The following MYOF variants were observed in gnomAD, a reference collection of about 807,000 sequenced individuals.
MYOF encodes the protein myoferlin.
Under a neutral mutation model 284.2 loss-of-function variants are expected in MYOF, and 244 were observed. The ratio of observed to expected loss-of-function variants is 0.86; its 90% CI spans 0.77 to 0.95. The LOEUF is 0.95. MYOF is among the 40% of genes least tolerant of loss of function. The pLI, the probability that MYOF is intolerant of heterozygous loss-of-function variation, is 0.00. For synonymous variants in MYOF, 904 were observed against 919.7 expected (o/e 0.98, Z 0.31); for missense variants, 2,496 against 2,560.6 (o/e 0.97, Z 0.54).
intron 40 of MYOF, among the ~76,000 whole-genome samples, chr10:93,336,756 AAGG>A (rs910206149): frequency 3.0e-4 from 46 of 151,712 alleles, no homozygotes; most frequent in Middle Eastern, 6.8e-3. Context: ...GAAGAGGATG[AAGG>A]AGGAGAAGGA....
At chr10:93,439,751 T>C (rs907215117) in intron 3 of MYOF, among the ~76,000 whole-genome samples, 3 of 152,214 alleles carry the variant, frequency 2.0e-5, no homozygotes, top group African/African-American at 4.8e-5. Flanking sequence ...TCAGACACTA[T>C]GCTAGAAAAA....
chr10:93,336,895 GA>G (rs369426580), intron 40 of MYOF, among the ~76,000 whole-genome samples: 1 of 148,534 alleles, frequency 6.7e-6, no homozygotes, highest in East Asian at 2.0e-4. Flanking sequence ...AGAAAGGAAG[GA>G]AAGAGAAGAA....
In MYOF at chr10:93,317,945, C is replaced by T. The variant is rs367615220; in HGVS notation, c.5599-1132G>A. Among the ~76,000 whole-genome samples, 8 of 152,154 alleles carry T rather than the reference C, an allele frequency of 5.3e-5. No individual in the cohort carries two copies. In the East Asian group the frequency reaches 1.5e-3, roughly 29 times the overall value. ...GCTCAGAAAGCCTGGCTCTGAGGGG[C>T]TCGGCAGCCCACTCTGCTGTTATCT... On this transcript the variant is annotated intron_variant, in intron 49 of 53. Coordinates refer to ENST00000359263, the MANE Select transcript of MYOF (RefSeq NM_013451.4).
chr10:93,347,506 T>C lies in MYOF; in HGVS notation c.4249+111A>G, dbSNP rs548084426. 8.4e-5 allele frequency: 83 copies of C among 992,176 alleles called. No homozygotes were observed. In the Admixed American group the frequency reaches 1.6e-3, roughly 19 times the overall value. 61.5% of individuals were successfully genotyped at this position (992,176 alleles called of 1,614,324 possible). ...AGCGGAGCTTGCAGTGAGCCGAGAT[T>C]GCGCCACTGCAGTCCGCAGTCCGGC... On this transcript the variant is annotated intron_variant, in intron 37 of 53. Coordinates refer to ENST00000359263, the MANE Select transcript of MYOF (RefSeq NM_013451.4).
intron 17 of MYOF, among the ~76,000 whole-genome samples, chr10:93,389,564 T>C (rs1487722818): frequency 6.6e-6 from 1 of 152,234 alleles, no homozygotes; most frequent in Non-Finnish European, 1.5e-5. Flanking sequence ...TTCTAAAGTG[T>C]CATTTAATCT....
rs754100245 is a variant in MYOF at position 93,343,898 on chromosome 10, G to A, written c.4284C>T (p.Ile1428=). The A allele has an allele frequency of 2.4e-5, 38 of 1,614,050 alleles. No homozygotes were observed. The highest frequency in any genetic ancestry group is 8.0e-5 in the African/African-American group (6 of 74,924). ...GTTTGGTGTCTTCCATTTCGATAAC[G>A]ATGTCCCGGCATGGTGGGGCAGACA... is the stretch of plus-strand genomic sequence containing the variant. The part of the protein sequence containing the change: ...SLLSAPPCRD[I]VIEMEDTKPL... The change falls in exon 38 of 54, where the codon ATC becomes ATT. Residue 1428 remains isoleucine (I), a synonymous_variant. Transcript: ENST00000359263.
chr10:93,444,190 G>A (rs1052140688), intron 3 of MYOF, among the ~76,000 whole-genome samples: 6 of 152,194 alleles, frequency 3.9e-5, no homozygotes, highest in African/African-American at 1.4e-4. Context: ...ACAGCTGCAA[G>A]GTGCTTCTTA....
intron 39 of MYOF, among the ~76,000 whole-genome samples, chr10:93,338,931 A>G (rs1196920796): frequency 6.6e-6 from 1 of 151,692 alleles, no homozygotes; most frequent in African/African-American, 2.4e-5. Context: ...ACGCCAAAAA[A>G]AAAAACAAAC....
intron 3 of MYOF, among the ~76,000 whole-genome samples, chr10:93,448,961 C>T (rs2056514606): frequency 6.6e-6 from 1 of 151,980 alleles, no homozygotes. Flanking sequence ...CGCCACTGCA[C>T]TCCAGCCTGG....
chr10:93,461,273 C>T (rs1034477627), intron 1 of MYOF, among the ~76,000 whole-genome samples: 15 of 152,172 alleles, frequency 9.9e-5, no homozygotes, highest in South Asian at 4.1e-4. Flanking sequence ...TGAGTTCTTC[C>T]GCAAACATTA....
chr10:93,384,423 A>G (rs1846263498), intron 19 of MYOF, among the ~76,000 whole-genome samples: 1 of 152,174 alleles, frequency 6.6e-6, no homozygotes, highest in Non-Finnish European at 1.5e-5. Flanking sequence ...GCGGCGGATT[A>G]CCTGAGGTCA....
At chr10:93,347,525 G>C in intron 37 of MYOF, 92 bp downstream of exon 37, 4 of 1,208,922 alleles carry the variant, frequency 3.3e-6, no homozygotes, top group Non-Finnish European at 2.1e-6. Context: ...GCAGTCCGCA[G>C]TCCGGCCTGG....
In MYOF at chr10:93,326,340, ATGTGTATCTCCTCCGGACC is replaced by A. The variant is rs1843047043; in HGVS notation, c.5132-394_5132-376del. ...AGAGGGTAACATGGGTAGAAGTGAC[ATGTGTATCTCCTCCGGACC>A]TGGCCCATAAATCCCTCCTGGGTAG... On this transcript the variant is annotated intron_variant, in intron 45 of 53. Transcript: ENST00000359263. Among the ~76,000 whole-genome samples, 3 of 152,294 alleles carry A rather than the reference ATGTGTATCTCCTCCGGACC, an allele frequency of 2.0e-5. No homozygotes were observed. In the South Asian group the frequency reaches 6.2e-4, roughly 32 times the overall value.
intron 2 of MYOF, 86 bp from the exon 3 acceptor site, chr10:93,452,227 TG>T: frequency 1.2e-6 from 1 of 813,354 alleles, no homozygotes; most frequent in Non-Finnish European, 2.1e-6. Flanking sequence ...CAGTACTACA[TG>T]TTGGGTCATT....
rs766668526 is a variant in MYOF at position 93,306,931 on chromosome 10, G to A, written c.*32C>T. The A allele has an allele frequency of 1.2e-6, 2 of 1,603,840 alleles. No individual in the cohort carries two copies. Among genetic ancestry groups the A allele is most frequent in the Non-Finnish European group, 1.7e-6 (2 of 1,171,640 alleles). ...ACAGAGGCAGGATTCTCTCATTGCTGGATGACTCTTGAAATGAAGCCTTTG... is the reference window on the plus strand; with the variant it reads ...ACAGAGGCAGGATTCTCTCATTGCTAGATGACTCTTGAAATGAAGCCTTTG... On this transcript the variant is annotated 3_prime_UTR_variant, in exon 54 of 54. Transcript: ENST00000359263.
chr10:93,328,639 C>T, intron 45 of MYOF, 124 bp downstream of exon 45: 1 of 977,406 alleles, frequency 1.0e-6, no homozygotes, highest in Non-Finnish European at 1.5e-6. Flanking sequence ...TTGTTAGTGT[C>T]ACGTGCACAG....
At chr10:93,456,636 A>C (rs1381522585) in intron 2 of MYOF, among the ~76,000 whole-genome samples, 10 of 152,198 alleles carry the variant, frequency 6.6e-5, no homozygotes, top group Admixed American at 6.5e-4. Flanking sequence ...GTGCCTGGTA[A>C]GAACTCAACT....
intron 19 of MYOF, among the ~76,000 whole-genome samples, chr10:93,386,035 T>C (rs1034118397): frequency 2.6e-5 from 4 of 152,208 alleles, no homozygotes; most frequent in African/African-American, 9.6e-5. Context: ...AGAAGCAGCA[T>C]GAACTTAAAT....
At chr10:93,335,065 G>A (rs181291892) in intron 41 of MYOF, among the ~76,000 whole-genome samples, 59 of 152,300 alleles carry the variant, frequency 3.9e-4, no homozygotes, top group African/African-American at 1.4e-3. Flanking sequence ...CCAGACCTGT[G>A]GGAGCCCAGA....
Sources: allele counts gnomAD v4.1 joint callset (sites outside exome capture counted in the v4.1 genomes callset), GRCh38; gene constraint gnomAD v4.1.1; transcripts MANE v1.5; gene names NCBI Gene and HGNC (gene_info 2026-07-23, HGNC 2026-07-21).